The following FGF9 variants were observed in gnomAD, a reference collection of about 807,000 sequenced individuals.
The protein encoded by FGF9 is fibroblast growth factor 9.
A neutral mutation model predicts 19.9 loss-of-function variants in FGF9; 3 were observed. The observed-to-expected ratio is 0.15, with a 90% CI of 0.07 to 0.39. The LOEUF (loss-of-function observed/expected upper bound fraction) is 0.39. FGF9 is among the 10% of genes least tolerant of loss of function. The pLI, the probability that FGF9 is intolerant of heterozygous loss-of-function variation, is 1.00. For missense variants in FGF9, 175 were observed against 256.8 expected (o/e 0.68, Z 2.18); for synonymous variants, 107 against 106.9 (o/e 1.00, Z -0.01).
At chr13:21,701,109 C>A in intron 2 of FGF9, 81 bp from the exon 3 acceptor site, 2 of 1,159,300 alleles carry the variant, frequency 1.7e-6, no homozygotes, top group Non-Finnish European at 2.5e-6. Context: ...TTTGCTGCAC[C>A]TATCAATCCA....
At chr13:21,684,482 A>G (rs1304015526) in intron 2 of FGF9, among the ~76,000 whole-genome samples, 2 of 152,134 alleles carry the variant, frequency 1.3e-5, no homozygotes, top group African/African-American at 4.8e-5. Context: ...TCTCGCTTGT[A>G]TGGCTGCTGT....
In FGF9 at chr13:21,691,270, T is replaced by G. The variant is rs1156608555; in HGVS notation, c.382-9920T>G. Among the ~76,000 whole-genome samples the G allele has an allele frequency of 3.9e-5, 6 of 152,210 alleles. No individual in the cohort carries two copies. In the South Asian group the frequency reaches 1.2e-3, roughly 32 times the overall value. The stretch of plus-strand genomic sequence containing the variant: ...GACATGTAAACCAAGAATTATAATT[T>G]GGTGTGATGAATGTTAGAATTATAA... On this transcript the variant is annotated intron_variant, in intron 2 of 2. Coordinates refer to ENST00000382353, the MANE Select transcript of FGF9 (RefSeq NM_002010.3). This position sits in a 1 kb window ranked among gnomAD's most constrained non-coding sequence, Gnocchi z 4.2.
chr13:21,673,134 CTTGAG>C (rs1871810308), intron 1 of FGF9, among the ~76,000 whole-genome samples: 1 of 151,466 alleles, frequency 6.6e-6, no homozygotes, highest in African/African-American at 2.4e-5. Context: ...TGGGTGGACT[CTTGAG>C]TTTTTTCCTT....
At chr13:21,693,054 C>G (rs536741865) in intron 2 of FGF9, among the ~76,000 whole-genome samples, 16 of 152,292 alleles carry the variant, frequency 1.1e-4, no homozygotes, top group Non-Finnish European at 1.9e-4. Context: ...GAGACGGTCT[C>G]TCAGGGTTAA....
intron 2 of FGF9, among the ~76,000 whole-genome samples, chr13:21,694,729 A>T (rs1053859908): frequency 2.0e-5 from 3 of 152,024 alleles, no homozygotes; most frequent in African/African-American, 4.8e-5. Flanking sequence ...AATTTGATGA[A>T]TTTTTCCTGT....
At chr13:21,692,623 G>A (rs562999165) in intron 2 of FGF9, among the ~76,000 whole-genome samples, 25 of 152,134 alleles carry the variant, frequency 1.6e-4, no homozygotes, top group African/African-American at 4.6e-4. Context: ...AGAAGATGAC[G>A]CCTACAAAGT....
chr13:21,695,278 A>G (rs1012031289), intron 2 of FGF9, among the ~76,000 whole-genome samples: 10 of 152,088 alleles, frequency 6.6e-5, no homozygotes, highest in African/African-American at 2.2e-4. Flanking sequence ...ATATACTTTG[A>G]TGAGACAAAA....
chr13:21,684,069 C>G (rs78841276), intron 2 of FGF9, among the ~76,000 whole-genome samples: 1 of 152,238 alleles, frequency 6.6e-6, no homozygotes, highest in Non-Finnish European at 1.5e-5. Context: ...GTGAATTTCT[C>G]TCTCAGATGC....
At chr13:21,676,558 T>G (rs754414649) in intron 1 of FGF9, among the ~76,000 whole-genome samples, 4 of 152,202 alleles carry the variant, frequency 2.6e-5, no homozygotes, top group Non-Finnish European at 4.4e-5. Flanking sequence ...GTGCTCAGGT[T>G]GCTACAGATC....
At chr13:21,690,684 G>T (rs1021266633) in intron 2 of FGF9, among the ~76,000 whole-genome samples, 11 of 152,090 alleles carry the variant, frequency 7.2e-5, no homozygotes, top group African/African-American at 2.7e-4. Context: ...TGTGGTCGTG[G>T]GCAAAAAATG....
In FGF9 at chr13:21,701,049, A is replaced by G; in HGVS notation, c.382-141A>G. 4 of 646,856 alleles carry G rather than the reference A, an allele frequency of 6.2e-6. No homozygotes were observed. The South Asian group carries it at 7.3e-5, about 12-fold the overall frequency. The allele number at this position is 646,856 out of a possible 1,614,324, so 40.1% of individuals were successfully genotyped here. A position where few individuals can be genotyped will look rare whatever the true frequency, so the allele number is the denominator to read the frequency against. ...ATTTTAATTTTTAGTTCTGGGGTAC[A>G]TGTGTAGGATGCGCAGGTTTGTTAA... On this transcript the variant is annotated intron_variant, in intron 2 of 2. Transcript: ENST00000382353.
chr13:21,681,283 A>G (rs1191638302), intron 2 of FGF9, 138 bp downstream of exon 2: 1 of 676,526 alleles, frequency 1.5e-6, no homozygotes, highest in Non-Finnish European at 2.6e-6. Flanking sequence ...TTTTGAGGAA[A>G]GCCATTTTAT....
At chr13:21,687,022 C>G (rs1455927500) in intron 2 of FGF9, among the ~76,000 whole-genome samples, 1 of 152,198 alleles carries the variant, frequency 6.6e-6, no homozygotes, top group Non-Finnish European at 1.5e-5. Context: ...CTTCTTAAAA[C>G]AGGTGTTTAC....
chr13:21,679,782 C>CAAAAAAAA (rs760146847), intron 1 of FGF9, among the ~76,000 whole-genome samples: 2 of 52,378 alleles, frequency 3.8e-5, no homozygotes, highest in Admixed American at 2.0e-4. Flanking sequence ...ACTAAAAATA[C>CAAAAAAAA]AAAAAAAAAA....
At chr13:21,695,757 T>G (rs1380787743) in intron 2 of FGF9, among the ~76,000 whole-genome samples, 6 of 152,200 alleles carry the variant, frequency 3.9e-5, no homozygotes, top group Non-Finnish European at 8.8e-5. Context: ...AAACAGTAGA[T>G]ATGAGAATGA....
Position 21,685,373 on chromosome 13 carries a change from G to A in FGF9, c.381+4228G>A, listed in dbSNP as rs150460472. ...ATGTAGTTTTTGTTTGCTTGTTTTTGTCTTCAGGTTTACCTTGAGAGTAGA... is the reference window on the plus strand; with the variant it reads ...ATGTAGTTTTTGTTTGCTTGTTTTTATCTTCAGGTTTACCTTGAGAGTAGA... On this transcript the variant is annotated intron_variant, in intron 2 of 2. Transcript: ENST00000382353. Among the ~76,000 whole-genome samples the A allele has an allele frequency of 4.0e-3, 604 of 152,184 alleles. 8 individuals carry two copies. Among genetic ancestry groups the A allele is most frequent in the African/African-American group, 0.014 (572 of 41,510 alleles).
chr13:21,695,951 A>C (rs1469355063), intron 2 of FGF9, among the ~76,000 whole-genome samples: 2 of 152,254 alleles, frequency 1.3e-5, no homozygotes, highest in African/African-American at 4.8e-5. Flanking sequence ...CCACATGTTT[A>C]TTAATATGGA....
chr13:21,688,637 T>G (rs915239911), intron 2 of FGF9, among the ~76,000 whole-genome samples: 1 of 152,172 alleles, frequency 6.6e-6, no homozygotes, highest in African/African-American at 2.4e-5. Flanking sequence ...TGGCCATCCA[T>G]TTTTGTAAAT....
chr13:21,702,874 T>C lies in FGF9; in HGVS notation c.*1439T>C, dbSNP rs1297409994. ...GGGGGAAAGTATTATACTTGTTGAC[T>C]GTGTTTTGTTTTTTAAAATGGTCTC... On this transcript the variant is annotated 3_prime_UTR_variant, in exon 3 of 3. Coordinates refer to ENST00000382353, the MANE Select transcript of FGF9 (RefSeq NM_002010.3). 1 of 152,218 alleles carries C rather than the reference T, an allele frequency of 6.6e-6. No homozygotes were observed. Among genetic ancestry groups the C allele is most frequent in the Non-Finnish European group, 1.5e-5 (1 of 68,038 alleles). 9.4% of individuals were successfully genotyped at this position (152,218 alleles called of 1,614,324 possible).
Sources: gnomAD v4.1 joint callset for allele counts (sites outside exome capture counted in the v4.1 genomes callset) on GRCh38, gnomAD v4.1.1 for gene constraint, Gnocchi (gnomAD v3.1) non-coding constraint, MANE v1.5 for transcripts, NCBI Gene and HGNC (gene_info 2026-07-23, HGNC 2026-07-21) for gene names.